The following SORCS1 variants were observed in gnomAD, a reference collection of about 807,000 sequenced individuals.
SORCS1 encodes the protein VPS10 domain-containing receptor SorCS1.
A neutral mutation model predicts 146.1 loss-of-function variants in SORCS1; 60 were observed. The ratio of observed to expected loss-of-function variants is 0.41; its 90% CI spans 0.33 to 0.51. SORCS1 has a LOEUF of 0.51. Ranked by LOEUF, SORCS1 falls within the 20% of genes least tolerant of loss-of-function variation. The probability of loss-of-function intolerance (pLI) is 0.21; values close to 1 mark genes in which losing one functional copy is unlikely to be tolerated. For synonymous variants in SORCS1, 637 were observed against 584.0 expected, an observed-to-expected ratio of 1.09 and a Z score of -1.31; for missense variants, 1,352 against 1,487.6, an observed-to-expected ratio of 0.91 and a Z score of 1.50.
intron 1 of SORCS1, among the ~76,000 whole-genome samples, chr10:107,008,180 G>C (rs1055400690): frequency 6.6e-6 from 1 of 152,038 alleles, no homozygotes; most frequent in African/African-American, 2.4e-5. Flanking sequence ...AACTTCAATA[G>C]TACATAAAAT....
intron 3 of SORCS1, among the ~76,000 whole-genome samples, chr10:106,825,882 T>C (rs1948282660): frequency 6.6e-6 from 1 of 152,194 alleles, no homozygotes; most frequent in African/African-American, 2.4e-5. Context: ...GAAAGAACAA[T>C]CTAGGCTAAT....
chr10:107,130,974 CTA>C (rs1310595385), intron 1 of SORCS1, among the ~76,000 whole-genome samples: 1 of 152,154 alleles, frequency 6.6e-6, no homozygotes, highest in Non-Finnish European at 1.5e-5. Flanking sequence ...CCAGTAACTT[CTA>C]GTCTACTTTC....
At chr10:106,698,670 T>C (rs1254274926) in intron 9 of SORCS1, among the ~76,000 whole-genome samples, 1 of 152,218 alleles carries the variant, frequency 6.6e-6, no homozygotes. Flanking sequence ...GTTTATTTTA[T>C]TTTTCTGGAT....
At chr10:106,867,328 A>G (rs1950257983) in intron 2 of SORCS1, among the ~76,000 whole-genome samples, 1 of 150,512 alleles carries the variant, frequency 6.6e-6, no homozygotes. Context: ...TCTGTCGCCC[A>G]CGCTGGAGTG....
intron 2 of SORCS1, among the ~76,000 whole-genome samples, chr10:106,852,013 T>C (rs567335726): frequency 6.6e-6 from 1 of 152,334 alleles, no homozygotes; most frequent in Non-Finnish European, 1.5e-5. Flanking sequence ...TACTAGTGTA[T>C]ATTACTTTTG....
At chr10:106,731,612 C>G (rs1337597578) in intron 5 of SORCS1, among the ~76,000 whole-genome samples, 1 of 152,116 alleles carries the variant, frequency 6.6e-6, no homozygotes. Flanking sequence ...CTCCGATCAG[C>G]AAGTGTTTGT....
chr10:106,790,180 AATTTGTT>A (rs1422940178), intron 3 of SORCS1, among the ~76,000 whole-genome samples: 13 of 152,172 alleles, frequency 8.5e-5, no homozygotes, highest in Non-Finnish European at 1.8e-4. Context: ...TAATTCCTTC[AATTTGTT>A]ACTGTAACAT....
chr10:107,001,923 G>A (rs1957239366), intron 1 of SORCS1, among the ~76,000 whole-genome samples: 1 of 152,222 alleles, frequency 6.6e-6, no homozygotes, highest in Admixed American at 6.5e-5. Flanking sequence ...AATTGAAAGA[G>A]AAGGAATTTA....
At chr10:106,700,550 C>T (rs1003922478) in intron 8 of SORCS1, among the ~76,000 whole-genome samples, 2 of 152,304 alleles carry the variant, frequency 1.3e-5, no homozygotes, top group South Asian at 4.1e-4. Flanking sequence ...TCCAGATGCA[C>T]CATACTCTAT....
At chr10:106,664,409 G>T (rs151087600) in intron 17 of SORCS1, among the ~76,000 whole-genome samples, 1 of 152,138 alleles carries the variant, frequency 6.6e-6, no homozygotes, top group African/African-American at 2.4e-5. Context: ...TTGGGAGGCT[G>T]AGGCAGGTGG....
rs1033221092 is a variant in SORCS1, at chr10:106,943,362, T to C, written c.626+13151A>G. On this transcript the variant is annotated intron_variant, in intron 2 of 25. Coordinates refer to ENST00000263054, the MANE Select transcript of SORCS1 (RefSeq NM_052918.5). ...CTTCTGCACACTCTCCCTAGGTTCC[T>C]ATGAACACAGCTTCTACTGCTTGAG... is the stretch of plus-strand genomic sequence containing the variant. Among the ~76,000 whole-genome samples the C allele has an allele frequency of 6.6e-5, 10 of 152,196 alleles. No homozygotes were observed. In the East Asian group the frequency reaches 1.9e-3, roughly 29 times the overall value.
intron 2 of SORCS1, among the ~76,000 whole-genome samples, chr10:106,913,826 C>G (rs1952281069): frequency 6.6e-6 from 1 of 152,184 alleles, no homozygotes; most frequent in Non-Finnish European, 1.5e-5. Context: ...AACTGGGCAT[C>G]TGAGGGACAG....
At chr10:106,669,516 G>A (rs970060153) in intron 16 of SORCS1, among the ~76,000 whole-genome samples, 10 of 152,158 alleles carry the variant, frequency 6.6e-5, no homozygotes, top group African/African-American at 2.4e-4. Flanking sequence ...AAGCAGCAGT[G>A]GCTTCAGAAA....
intron 1 of SORCS1, among the ~76,000 whole-genome samples, chr10:107,021,513 C>CAAAA (rs869141427): frequency 1.5e-3 from 104 of 68,636 alleles, no homozygotes; most frequent in Non-Finnish European, 1.8e-3. Context: ...CACTCCGTCT[C>CAAAA]AAAAAAAAAA....
At chr10:106,881,667 A>G (rs1461433346) in intron 2 of SORCS1, among the ~76,000 whole-genome samples, 2 of 152,254 alleles carry the variant, frequency 1.3e-5, no homozygotes, top group Non-Finnish European at 2.9e-5. Flanking sequence ...TTAAAATGAG[A>G]CAGCTAATGT....
chr10:106,665,585 C>G (rs1213629430), intron 17 of SORCS1, among the ~76,000 whole-genome samples: 1 of 151,972 alleles, frequency 6.6e-6, no homozygotes. Flanking sequence ...GTAATAAATT[C>G]CCATGTACTC....
chr10:106,955,861 C>T (rs987186032), intron 2 of SORCS1, among the ~76,000 whole-genome samples: 8 of 152,038 alleles, frequency 5.3e-5, no homozygotes, highest in Non-Finnish European at 8.8e-5. Context: ...GGCGTGGTGG[C>T]GCATGCCTGT....
chr10:106,838,369 C>T (rs894345777), intron 2 of SORCS1, among the ~76,000 whole-genome samples: 5 of 152,152 alleles, frequency 3.3e-5, no homozygotes, highest in Non-Finnish European at 7.4e-5. Flanking sequence ...GCATAGCTTT[C>T]CCCATTATCA....
At chr10:106,664,760 G>C (rs1025206220) in intron 17 of SORCS1, among the ~76,000 whole-genome samples, 3 of 151,982 alleles carry the variant, frequency 2.0e-5, no homozygotes, top group African/African-American at 7.3e-5. Flanking sequence ...CTGTGTTTCA[G>C]CCTCCTATCA....
Sources: allele counts gnomAD v4.1 joint callset (sites outside exome capture counted in the v4.1 genomes callset), GRCh38; gene constraint gnomAD v4.1.1; transcripts MANE v1.5; gene names NCBI Gene and HGNC (gene_info 2026-07-23, HGNC 2026-07-21).